Variants in FLI1 observed in about 807,000 individuals in gnomAD.
FLI1 encodes the protein Fli-1 proto-oncogene, ETS transcription factor, also known as Friend leukemia integration 1 transcription factor.
Under a neutral mutation model 53.1 loss-of-function variants are expected in FLI1, and 13 were observed. That is an observed-to-expected ratio of 0.24 (90% CI 0.16 to 0.39). FLI1 has a LOEUF of 0.39. FLI1 is among the 10% of genes least tolerant of loss of function. The pLI, the probability that FLI1 is intolerant of heterozygous loss-of-function variation, is 1.00. For missense variants in FLI1, 424 were observed against 600.5 expected (o/e 0.71, Z 3.07); for synonymous variants, 244 against 236.7 (o/e 1.03, Z -0.28).
At chr11:128,775,270 G>A (rs1941696963) in intron 4 of FLI1, among the ~76,000 whole-genome samples, 1 of 152,042 alleles carries the variant, frequency 6.6e-6, no homozygotes, top group African/African-American at 2.4e-5. Flanking sequence ...ACAATGTTGG[G>A]TGGAAAAGCT....
At chr11:128,733,083 C>A (rs1201597949) in intron 1 of FLI1, among the ~76,000 whole-genome samples, 1 of 152,158 alleles carries the variant, frequency 6.6e-6, no homozygotes, top group Non-Finnish European at 1.5e-5. Flanking sequence ...CTTATCAGAG[C>A]CTTGAATATA....
At chr11:128,745,036 C>A (rs1201570992) in intron 1 of FLI1, among the ~76,000 whole-genome samples, 1 of 152,020 alleles carries the variant, frequency 6.6e-6, no homozygotes, top group South Asian at 2.1e-4. Context: ...TATGATTAGG[C>A]AGAGAAGACA....
At chr11:128,688,665 C>T (rs1937627744) in intron 1 of FLI1, among the ~76,000 whole-genome samples, 1 of 152,080 alleles carries the variant, frequency 6.6e-6, no homozygotes, top group Admixed American at 6.5e-5. Flanking sequence ...GGTCTGGGCT[C>T]TGAGGGGTCC....
At chr11:128,795,517 A>G (rs1942408200) in intron 5 of FLI1, among the ~76,000 whole-genome samples, 1 of 152,066 alleles carries the variant, frequency 6.6e-6, no homozygotes, top group Non-Finnish European at 1.5e-5. Context: ...GAAAAAGAGT[A>G]TCAGCTAGAG....
chr11:128,764,824 A>G (rs1312046563), intron 2 of FLI1: 1 of 1,592,520 alleles, frequency 6.3e-7, no homozygotes, highest in Non-Finnish European at 8.5e-7. Context: ...CGGGCGAGGT[A>G]TGGCTTTCCT....
At chr11:128,763,142 G>C (rs1343345916) in intron 2 of FLI1, among the ~76,000 whole-genome samples, 1 of 152,114 alleles carries the variant, frequency 6.6e-6, no homozygotes, top group Non-Finnish European at 1.5e-5. Flanking sequence ...TTGTGTCTCT[G>C]GTGGGAAGGA....
intron 1 of FLI1, among the ~76,000 whole-genome samples, chr11:128,712,575 AT>A (rs1405123382): frequency 6.6e-6 from 1 of 152,188 alleles, no homozygotes; most frequent in Non-Finnish European, 1.5e-5. Context: ...AGGCTTCACA[AT>A]CATGGCGGAA....
rs1341579272 is a variant in FLI1 at position 128,811,963 on chromosome 11, T to G, written c.*975T>G. On this transcript the variant is annotated 3_prime_UTR_variant, in exon 9 of 9. Transcript: ENST00000527786. ...ACTATCGAATCAATCGCTGTTATTT[T>G]TTTTAATGTAATTTGTACATCTTTT... 2 of 202,392 alleles carry G rather than the reference T, an allele frequency of 9.9e-6. No individual in the cohort carries two copies. The highest frequency in any genetic ancestry group is 3.8e-4 in the South Asian group (2 of 5,252). 12.5% of individuals were successfully genotyped at this position (202,392 alleles called of 1,614,324 possible).
intron 2 of FLI1, chr11:128,764,512 A>G (rs1250964629): frequency 1.3e-6 from 1 of 755,958 alleles, no homozygotes; most frequent in African/African-American, 1.7e-5. Flanking sequence ...CAGTGCTATC[A>G]GCTGCCAGTG....
At chr11:128,746,322 TCCCATGAC>T (rs1940385498) in intron 1 of FLI1, among the ~76,000 whole-genome samples, 1 of 152,090 alleles carries the variant, frequency 6.6e-6, no homozygotes, top group Non-Finnish European at 1.5e-5. Context: ...ATAGGAAAGT[TCCCATGAC>T]CCCAGGAATC....
At position 128,772,773 on chromosome 11, in the gene FLI1, C is replaced by T; in HGVS notation, c.386-9C>T. On this transcript the variant is annotated splice_polypyrimidine_tract_variant and intron_variant, in intron 3 of 8. Transcript: ENST00000527786. ...GCAGTCCTTGCTAACAACGTCTTCT[C>T]CTCTGCAGACCCCACACTGTGGACA... 1.2e-6 allele frequency: 2 copies of T among 1,613,576 alleles called. No homozygotes were observed. The highest frequency in any genetic ancestry group is 1.7e-5 in the Admixed American group (1 of 60,030).
At chr11:128,778,862 A>C (rs1399783218) in intron 4 of FLI1, among the ~76,000 whole-genome samples, 1 of 152,238 alleles carries the variant, frequency 6.6e-6, no homozygotes, top group Non-Finnish European at 1.5e-5. Context: ...ACCTGCCTGC[A>C]TCAGAACAAG....
At chr11:128,709,269 A>G (rs1211726673) in intron 1 of FLI1, among the ~76,000 whole-genome samples, 1 of 152,226 alleles carries the variant, frequency 6.6e-6, no homozygotes, top group Admixed American at 6.5e-5. Flanking sequence ...GTAATTGTAA[A>G]GTGCTGTGCA....
At chr11:128,690,821 G>A (rs930541468), upstream of FLI1, among the ~76,000 whole-genome samples, 2 of 152,318 alleles carry the variant, frequency 1.3e-5, no homozygotes, top group Non-Finnish European at 1.5e-5. Context: ...TTGGCTGTGA[G>A]CTGCCTCTGA....
At chr11:128,782,317 A>C (rs1319261943) in intron 5 of FLI1, among the ~76,000 whole-genome samples, 1 of 152,226 alleles carries the variant, frequency 6.6e-6, no homozygotes, top group Non-Finnish European at 1.5e-5. Context: ...TCAAAGTTGA[A>C]AGTTGGGAGT....
chr11:128,709,809 T>C (rs1938711946), intron 1 of FLI1, among the ~76,000 whole-genome samples: 1 of 152,212 alleles, frequency 6.6e-6, no homozygotes, highest in African/African-American at 2.4e-5. Context: ...ATCTTCCCCA[T>C]GTCCTTGTGG....
In FLI1 at chr11:128,694,394, C is replaced by T. The variant is rs1020752025; in HGVS notation, c.18+118C>T. On this transcript the variant is annotated intron_variant, in intron 1 of 8. Coordinates refer to ENST00000527786, the MANE Select transcript of FLI1 (RefSeq NM_002017.5). ...GTGGCCTCTCTCCCTTCCCTCCGCG[C>T]CCCGGCTTCGCGCCGGCTCCTCCGG... The T allele has an allele frequency of 1.1e-5, 9 of 840,326 alleles. 1 individual carries two copies. Among genetic ancestry groups the T allele is most frequent in the African/African-American group, 1.1e-4 (6 of 56,738 alleles). 52.1% of individuals were successfully genotyped at this position (840,326 alleles called of 1,614,324 possible).
chr11:128,694,979 C>G (rs926351271), intron 1 of FLI1, among the ~76,000 whole-genome samples: 5 of 152,126 alleles, frequency 3.3e-5, no homozygotes, highest in South Asian at 2.1e-4. Flanking sequence ...CCCCAGCCCC[C>G]GTCCGCACAG....
intron 4 of FLI1, among the ~76,000 whole-genome samples, chr11:128,776,257 T>G (rs1438511601): frequency 1.3e-5 from 2 of 152,120 alleles, no homozygotes; most frequent in Non-Finnish European, 2.9e-5. Flanking sequence ...AGAGGAGCTG[T>G]GTCACACGCC....
Sources: allele counts gnomAD v4.1 joint callset (sites outside exome capture counted in the v4.1 genomes callset), GRCh38; gene constraint gnomAD v4.1.1; transcripts MANE v1.5; gene names NCBI Gene and HGNC (gene_info 2026-07-23, HGNC 2026-07-21).